SLC2A5: variants seen among roughly 807,000 people sequenced by gnomAD.
SLC2A5 encodes the protein solute carrier family 2 member 5.
A neutral mutation model predicts 50.3 loss-of-function variants in SLC2A5; 56 were observed. The ratio of observed to expected loss-of-function variants is 1.11; its 90% CI spans 0.90 to 1.39. The LOEUF is 1.39. Ranked by LOEUF, SLC2A5 falls within the 40% of genes most tolerant of loss-of-function variation. The pLI, the probability that SLC2A5 is intolerant of heterozygous loss-of-function variation, is 0.00. For synonymous variants in SLC2A5, 269 were observed against 281.9 expected (o/e 0.95, Z 0.46); for missense variants, 566 against 650.1 (o/e 0.87, Z 1.41).
At chr1:9,055,540 GT>G (rs1425670876) in intron 3 of SLC2A5, among the ~76,000 whole-genome samples, 3 of 151,364 alleles carry the variant, frequency 2.0e-5, no homozygotes, top group African/African-American at 4.9e-5. Context: ...TAAAAATAAA[GT>G]GAGGATTGTA....
chr1:9,069,665 G>T, upstream of SLC2A5: 2 of 956,964 alleles, frequency 2.1e-6, no homozygotes, highest in Non-Finnish European at 3.3e-6. Flanking sequence ...CATTTTTATA[G>T]CCAGATTAAG....
rs531268633 is a variant in SLC2A5 at position 9,056,034 on chromosome 1, G to T, written c.293+1414C>A. Among the ~76,000 whole-genome samples the T allele has an allele frequency of 1.3e-3, 203 of 152,292 alleles. 2 individuals carry two copies. Among genetic ancestry groups the T allele is most frequent in the African/African-American group, 4.7e-3 (197 of 41,566 alleles). On this transcript the variant is annotated intron_variant, in intron 3 of 11. Transcript: ENST00000377424. ...TAGCAACCTTCAGCTCCATCTGTGG[G>T]CCAAGCGGCGTGCTCTTAACTCAAG...
rs936925789 is a variant in SLC2A5 at position 9,039,650 on chromosome 1, C to T, written c.898G>A (p.Ala300Thr). 3 of 1,548,740 alleles carry T rather than the reference C, an allele frequency of 1.9e-6. No homozygotes were observed. Among genetic ancestry groups the T allele is most frequent in the African/African-American group, 2.8e-5 (2 of 72,202 alleles). Residue 300 changes from alanine (A) to threonine (T), a missense_variant, in exon 8 of 12, where the codon GCG (alanine) becomes ACG (threonine). Ala to Thr is a moderately conservative substitution (Grantham distance 58). Coordinates refer to ENST00000377424, the MANE Select transcript of SLC2A5 (RefSeq NM_003039.3). ...CCGGCGCTCAGGTAGATCTGGTCCG[C>T]GTAGTAGTAGATCTGCAAGGCAAGC... ...LSGVNAIYYY[A>T]DQIYLSAGVP...
At chr1:9,038,566 G>A in intron 9 of SLC2A5, 60 bp from the exon 10 acceptor site, 2 of 1,468,430 alleles carry the variant, frequency 1.4e-6, no homozygotes, top group Non-Finnish European at 1.9e-6. Flanking sequence ...GACCCCAGGG[G>A]GCGGCCAACC....
intron 3 of SLC2A5, among the ~76,000 whole-genome samples, chr1:9,052,260 G>A (rs1641598859): frequency 6.6e-6 from 1 of 152,148 alleles, no homozygotes; most frequent in Non-Finnish European, 1.5e-5. Flanking sequence ...CTCCAGCCTG[G>A]GTGACAGAGC....
intron 2 of SLC2A5, among the ~76,000 whole-genome samples, chr1:9,083,112 C>T (rs536575270): frequency 6.6e-6 from 1 of 152,312 alleles, no homozygotes; most frequent in South Asian, 2.1e-4. Flanking sequence ...CTGGGTAACA[C>T]CGCAAGACTC....
chr1:9,074,034 C>T (rs1275635939), upstream of SLC2A5, among the ~76,000 whole-genome samples: 2 of 151,592 alleles, frequency 1.3e-5, no homozygotes, highest in African/African-American at 2.4e-5. Context: ...GGGCTGAGAT[C>T]AAACCACTGC....
At chr1:9,068,047 G>A (rs529065565) in intron 1 of SLC2A5, among the ~76,000 whole-genome samples, 5 of 151,792 alleles carry the variant, frequency 3.3e-5, no homozygotes, top group East Asian at 1.9e-4. Context: ...AAAATTAGCC[G>A]GGTGTGGTGG....
At chr1:9,083,572 C>T (rs1337805742) in intron 2 of SLC2A5, among the ~76,000 whole-genome samples, 2 of 152,174 alleles carry the variant, frequency 1.3e-5, no homozygotes, top group South Asian at 2.1e-4. Context: ...CCTGTAATCC[C>T]AGCACTTTGG....
rs561239588 is a variant in SLC2A5 at position 9,064,026 on chromosome 1, C to T, written c.33+5478G>A. 2.0e-5 allele frequency among the ~76,000 whole-genome samples: 3 copies of T among 151,926 alleles called. No individual in the cohort carries two copies. The East Asian group carries it at 5.8e-4, about 29-fold the overall frequency. On this transcript the variant is annotated intron_variant, in intron 1 of 11. Coordinates refer to ENST00000377424, the MANE Select transcript of SLC2A5 (RefSeq NM_003039.3). ...CATTTTTTATAGAGACAGGGTCTTG[C>T]TATGTTGCCCAAGCTAGTCTTGAAC...
upstream of SLC2A5, among the ~76,000 whole-genome samples, chr1:9,090,252 C>G (rs1162933571): frequency 6.6e-6 from 1 of 152,148 alleles, no homozygotes; most frequent in African/African-American, 2.4e-5. Flanking sequence ...CAACATCAAA[C>G]AGACTTAAAT....
Position 9,036,349 on chromosome 1 carries a change from T to G in SLC2A5, c.*1237A>C, listed in dbSNP as rs1641134593. The G allele has an allele frequency of 6.6e-6, 1 of 152,160 alleles. No homozygotes were observed. The highest frequency in any genetic ancestry group is 2.4e-5 in the African/African-American group (1 of 41,416). The allele number at this position is 152,160 out of a possible 1,614,324, so 9.4% of individuals were successfully genotyped here. A position where few individuals can be genotyped will look rare whatever the true frequency, so the allele number is the denominator to read the frequency against. ...TCACCATGCCCAATTAAAAAAATTTTTTTTGAGATGGGATCTCACTGTGTT... is the reference window on the plus strand; with the variant it reads ...TCACCATGCCCAATTAAAAAAATTTGTTTTGAGATGGGATCTCACTGTGTT... On this transcript the variant is annotated 3_prime_UTR_variant, in exon 12 of 12. Transcript: ENST00000377424.
intron 3 of SLC2A5, among the ~76,000 whole-genome samples, chr1:9,053,538 ATATAT>A (rs1400283407): frequency 5.0e-5 from 5 of 99,188 alleles, no homozygotes; most frequent in Admixed American, 1.8e-4. Context: ...ATATATTAAT[ATATAT>A]TATATATTTA....
chr1:9,057,241 G>A (rs1007605184), intron 3 of SLC2A5, among the ~76,000 whole-genome samples: 1 of 146,836 alleles, frequency 6.8e-6, no homozygotes, highest in East Asian at 2.0e-4. Flanking sequence ...AGCCAAGATC[G>A]CGCCACTGCA....
chr1:9,067,521 G>A (rs1642113630), intron 1 of SLC2A5, among the ~76,000 whole-genome samples: 1 of 152,232 alleles, frequency 6.6e-6, no homozygotes, highest in Non-Finnish European at 1.5e-5. Flanking sequence ...TCTCTGGACA[G>A]CGGAGGACCT....
chr1:9,083,941 G>A (rs1322145361), intron 2 of SLC2A5, among the ~76,000 whole-genome samples: 1 of 151,896 alleles, frequency 6.6e-6, no homozygotes, highest in Non-Finnish European at 1.5e-5. Context: ...TCAGGAGATC[G>A]AGACCATCCT....
intron 1 of SLC2A5, among the ~76,000 whole-genome samples, chr1:9,087,778 G>A (rs1642418481): frequency 6.6e-6 from 1 of 152,056 alleles, no homozygotes; most frequent in Admixed American, 6.6e-5. Flanking sequence ...CAGGTCTCAG[G>A]AATCCACCTC....
chr1:9,079,484 A>G lies in SLC2A5; in HGVS notation c.-59+5530T>C, dbSNP rs575332607. Among the ~76,000 whole-genome samples, 5 of 151,854 alleles carry G rather than the reference A, an allele frequency of 3.3e-5. No individual in the cohort carries two copies. In the East Asian group the frequency reaches 7.8e-4, roughly 24 times the overall value. Reference sequence around the variant, plus strand: ...ATAGACACTCCTCTTTTTATTTTTGATTTATTTCTTTATTTTGTTGAGACA... The same window carrying G: ...ATAGACACTCCTCTTTTTATTTTTGGTTTATTTCTTTATTTTGTTGAGACA... On this transcript the variant is annotated intron_variant, in intron 2 of 5. Coordinates refer to the SLC2A5 transcript ENST00000464985.
chr1:9,075,434 G>T (rs1190785495), intron 2 of SLC2A5, among the ~76,000 whole-genome samples: 2 of 152,036 alleles, frequency 1.3e-5, no homozygotes, highest in Admixed American at 6.6e-5. Context: ...GATACCGCCC[G>T]TTGCCTCCTT....
Sources: gnomAD v4.1 joint callset for allele counts (sites outside exome capture counted in the v4.1 genomes callset) on GRCh38, gnomAD v4.1.1 for gene constraint, MANE v1.5 for transcripts, NCBI Gene and HGNC (gene_info 2026-07-23, HGNC 2026-07-21) for gene names.